PKNOX2: variants seen among roughly 807,000 people sequenced by gnomAD.
The protein encoded by PKNOX2 is PBX/knotted 1 homeobox 2, also known as homeobox protein PKNOX2.
PKNOX2 carries 14 observed loss-of-function variants against 53.1 expected under a neutral mutation model. That is an observed-to-expected ratio of 0.26 (90% CI 0.17 to 0.41). The LOEUF is 0.41. Among genes scored for constraint, PKNOX2 ranks in the 10% least tolerant of loss-of-function variants. The pLI is 1.00. For synonymous variants in PKNOX2, 257 were observed against 242.8 expected, an observed-to-expected ratio of 1.06 and a Z score of -0.54; for missense variants, 496 against 602.8, an observed-to-expected ratio of 0.82 and a Z score of 1.85.
At chr11:125,232,730 G>A (rs1360469691) in intron 1 of PKNOX2, among the ~76,000 whole-genome samples, 1 of 152,158 alleles carries the variant, frequency 6.6e-6, no homozygotes, top group Non-Finnish European at 1.5e-5. Flanking sequence ...GGTACCATAT[G>A]GCTATTACTG....
intron 2 of PKNOX2, among the ~76,000 whole-genome samples, chr11:125,315,256 C>A (rs1949083007): frequency 6.7e-6 from 1 of 149,416 alleles, no homozygotes. Context: ...TCCTCATTAA[C>A]CCCCTGCCAG....
rs974257436 is a variant in PKNOX2 at position 125,424,249 on chromosome 11, TGA to T, written c.937-4759_937-4758del. ...GTTTTAAGGGGAGCAGGGATAAAAA[TGA>T]GAGCAAAAATAAAAGAATGGAAAGC... On this transcript the variant is annotated intron_variant, in intron 10 of 12. Coordinates refer to ENST00000298282, the MANE Select transcript of PKNOX2 (RefSeq NM_001382323.2). 5.1e-4 allele frequency among the ~76,000 whole-genome samples: 77 copies of T among 152,188 alleles called. 1 individual carries two copies. Among genetic ancestry groups the T allele is most frequent in the African/African-American group, 1.8e-3 (76 of 41,524 alleles).
At chr11:125,363,384 T>G (rs1952024388) in intron 4 of PKNOX2, among the ~76,000 whole-genome samples, 1 of 152,184 alleles carries the variant, frequency 6.6e-6, no homozygotes, top group Non-Finnish European at 1.5e-5. Flanking sequence ...TTTTACAGAT[T>G]AGGAATCCAA....
intron 10 of PKNOX2, 137 bp downstream of exon 10, chr11:125,412,002 T>C (rs1955583476): frequency 7.1e-7 from 1 of 1,407,488 alleles, no homozygotes; most frequent in African/African-American, 1.4e-5. Context: ...CTGATAGGAA[T>C]GACATCTGGA....
intron 3 of PKNOX2, among the ~76,000 whole-genome samples, chr11:125,338,847 T>C (rs912762196): frequency 6.6e-6 from 1 of 152,362 alleles, no homozygotes; most frequent in South Asian, 2.1e-4. Context: ...AGTGAAGGCA[T>C]GATCTTGAAC....
chr11:125,417,377 C>T (rs891165656), intron 10 of PKNOX2, among the ~76,000 whole-genome samples: 2 of 152,034 alleles, frequency 1.3e-5, no homozygotes, highest in Non-Finnish European at 2.9e-5. Flanking sequence ...GCAGGCCCTG[C>T]CATCCACCAG....
At chr11:125,344,466 G>A (rs1950869865) in intron 3 of PKNOX2, among the ~76,000 whole-genome samples, 1 of 152,082 alleles carries the variant, frequency 6.6e-6, no homozygotes, top group Admixed American at 6.5e-5. Context: ...TGGCATTTAA[G>A]GGCTGAAGGA....
intron 2 of PKNOX2, among the ~76,000 whole-genome samples, chr11:125,252,572 G>A (rs1301114667): frequency 2.0e-5 from 3 of 152,180 alleles, no homozygotes; most frequent in African/African-American, 7.2e-5. Flanking sequence ...GGCTCAGAAG[G>A]GGGAGTGGTG....
intron 1 of PKNOX2, among the ~76,000 whole-genome samples, chr11:125,224,248 G>A (rs1186485597): frequency 1.3e-5 from 2 of 152,258 alleles, no homozygotes; most frequent in Non-Finnish European, 2.9e-5. Context: ...CCATCCAGCC[G>A]GTGCCACCCA....
intron 2 of PKNOX2, among the ~76,000 whole-genome samples, chr11:125,247,585 A>G (rs1042390457): frequency 5.3e-5 from 8 of 152,080 alleles, no homozygotes; most frequent in Admixed American, 5.2e-4. Flanking sequence ...AGCCTTTTGC[A>G]CTCAATAAAT....
At chr11:125,329,754 T>C (rs557882004) in intron 2 of PKNOX2, among the ~76,000 whole-genome samples, 75 of 150,818 alleles carry the variant, frequency 5.0e-4, no homozygotes, top group Non-Finnish European at 7.4e-4. Context: ...TTGAGGGGAG[T>C]GGGAAGTTGT....
chr11:125,347,140 G>T (rs1204044569), intron 3 of PKNOX2, among the ~76,000 whole-genome samples: 3 of 152,266 alleles, frequency 2.0e-5, no homozygotes, highest in Admixed American at 1.3e-4. Flanking sequence ...CCTTGTCCTT[G>T]TGCCAGCCAT....
chr11:125,325,188 C>A (rs1344578656), intron 2 of PKNOX2, among the ~76,000 whole-genome samples: 1 of 152,202 alleles, frequency 6.6e-6, no homozygotes, highest in Non-Finnish European at 1.5e-5. Flanking sequence ...AAATTTGTGA[C>A]TGGCCAAACT....
intron 2 of PKNOX2, among the ~76,000 whole-genome samples, chr11:125,235,803 C>T (rs1004259813): frequency 6.6e-6 from 1 of 152,218 alleles, no homozygotes; most frequent in Non-Finnish European, 1.5e-5. Context: ...GCCTCTGTCC[C>T]CACCTCTGGC....
intron 2 of PKNOX2, among the ~76,000 whole-genome samples, chr11:125,246,461 A>G (rs962065480): frequency 2.0e-5 from 3 of 152,178 alleles, no homozygotes; most frequent in African/African-American, 7.2e-5. Flanking sequence ...TGTTCAAACC[A>G]TAGCAGGAAT....
At chr11:125,262,387 C>T (rs921500414) in intron 2 of PKNOX2, among the ~76,000 whole-genome samples, 1 of 151,842 alleles carries the variant, frequency 6.6e-6, no homozygotes, top group African/African-American at 2.4e-5. Flanking sequence ...GGGGAGGGAG[C>T]GCTATCTCAC....
At chr11:125,405,961 G>A (rs3740898) in intron 7 of PKNOX2, among the ~76,000 whole-genome samples, 4 of 152,012 alleles carry the variant, frequency 2.6e-5, no homozygotes, top group African/African-American at 7.3e-5. Flanking sequence ...TCATCCCCAG[G>A]TTCCTGGATA....
chr11:125,249,801 A>G (rs10790731), intron 2 of PKNOX2, among the ~76,000 whole-genome samples: 77,438 of 151,404 alleles, frequency 0.51, 20,427 homozygotes, highest in East Asian at 0.72. Flanking sequence ...TGCACGCGGT[A>G]GCTCACGCCT....
At chr11:125,426,539 G>A in intron 10 of PKNOX2, among the ~76,000 whole-genome samples, 1 of 151,592 alleles carries the variant, frequency 6.6e-6, no homozygotes. Flanking sequence ...TCTCCTTATT[G>A]TGCTAGTTCA....
Sources: allele counts gnomAD v4.1 joint callset (sites outside exome capture counted in the v4.1 genomes callset), GRCh38; gene constraint gnomAD v4.1.1; transcripts MANE v1.5; gene names NCBI Gene and HGNC (gene_info 2026-07-23, HGNC 2026-07-21).